The following NR2F1-AS1 variants were observed in gnomAD, a reference collection of about 807,000 sequenced individuals.
NR2F1-AS1 encodes the protein NR2F1 antisense RNA 1.
At chr5:93,581,110 A>G (rs1289283573), upstream of NR2F1-AS1, 3 of 152,278 alleles carry the variant, frequency 2.0e-5, no homozygotes, top group Admixed American at 2.0e-4. Flanking sequence ...TGAGACTTAA[A>G]GTGAGAACGA....
At chr5:93,484,778 CAAAA>C (rs61083284) in intron 4 of NR2F1-AS1, among the ~76,000 whole-genome samples, 4 of 84,316 alleles carry the variant, frequency 4.7e-5, no homozygotes, top group African/African-American at 3.6e-5. Context: ...AAATGGAAAG[CAAAA>C]AAAAAAAAAA....
intron 4 of NR2F1-AS1, among the ~76,000 whole-genome samples, chr5:93,552,434 G>A (rs1391649957): frequency 6.6e-6 from 1 of 152,152 alleles, no homozygotes; most frequent in Non-Finnish European, 1.5e-5. Flanking sequence ...CATGTAAGAA[G>A]TACATGTTAC....
At chr5:93,544,992 A>G (rs1490826624) in intron 4 of NR2F1-AS1, 1 of 151,954 alleles carries the variant, frequency 6.6e-6, no homozygotes, top group African/African-American at 2.4e-5. Context: ...ATCAGAAATT[A>G]TAAGAATGAC....
intron 4 of NR2F1-AS1, chr5:93,544,936 A>T (rs1472079497): frequency 6.6e-6 from 1 of 151,966 alleles, no homozygotes; most frequent in African/African-American, 2.4e-5. Context: ...AAAAAAAAAA[A>T]AAAGAGTTAT....
chr5:93,544,112 AAAAAT>A (rs1277646360), intron 4 of NR2F1-AS1: 4 of 152,240 alleles, frequency 2.6e-5, no homozygotes, highest in African/African-American at 9.6e-5. Flanking sequence ...CTCTAGCTCA[AAAAAT>A]AAAATAAAAT....
rs369345714 is a variant in NR2F1-AS1 at position 93,521,176 on chromosome 5, T to C, written n.638+32585A>G. 4.6e-5 allele frequency among the ~76,000 whole-genome samples: 7 copies of C among 152,246 alleles called. No homozygotes were observed. The East Asian group carries it at 5.8e-4, about 13-fold the overall frequency. Reference sequence around the variant, plus strand: ...TAACTGGCTAGCCATATGCAGAAGATTGAAGCTGGACCCCTTCCTTACACC... The same window carrying C: ...TAACTGGCTAGCCATATGCAGAAGACTGAAGCTGGACCCCTTCCTTACACC... On this transcript the variant is annotated intron_variant and non_coding_transcript_variant, in intron 4 of 5. Coordinates refer to ENST00000660523, the Ensembl canonical transcript of NR2F1-AS1.
chr5:93,422,877 T>G (rs1442318820), intron 4 of NR2F1-AS1, among the ~76,000 whole-genome samples: 1 of 152,040 alleles, frequency 6.6e-6, no homozygotes, highest in African/African-American at 2.4e-5. Flanking sequence ...GGACAGCACC[T>G]GGGGAGTTTA....
chr5:93,540,175 T>C (rs575776794), intron 4 of NR2F1-AS1, among the ~76,000 whole-genome samples: 1 of 152,344 alleles, frequency 6.6e-6, no homozygotes, highest in East Asian at 1.9e-4. Context: ...TCACTGGTTT[T>C]ATAAATATGC....
At chr5:93,568,810 A>G (rs894640066) in intron 1 of NR2F1-AS1, among the ~76,000 whole-genome samples, 1 of 152,158 alleles carries the variant, frequency 6.6e-6, no homozygotes, top group Non-Finnish European at 1.5e-5. Flanking sequence ...AACTGTCAGC[A>G]ATTTAATCCA....
chr5:93,482,983 G>T (rs1422319350), intron 4 of NR2F1-AS1, among the ~76,000 whole-genome samples: 3 of 152,218 alleles, frequency 2.0e-5, no homozygotes, highest in African/African-American at 7.2e-5. Context: ...ATCTCGCTGG[G>T]ACAGAGCACC....
chr5:93,564,005 G>GA (rs1752554981), intron 1 of NR2F1-AS1, among the ~76,000 whole-genome samples: 1 of 149,582 alleles, frequency 6.7e-6, no homozygotes, highest in Non-Finnish European at 1.5e-5. Context: ...GGGAGGCTGA[G>GA]AAAAGAGAAA....
At chr5:93,488,059 A>G (rs1750763798) in intron 4 of NR2F1-AS1, among the ~76,000 whole-genome samples, 1 of 152,178 alleles carries the variant, frequency 6.6e-6, no homozygotes, top group African/African-American at 2.4e-5. Context: ...CTGAAACTGG[A>G]CCCCTTCCTT....
In NR2F1-AS1 at chr5:93,462,560, A is replaced by AGTTTGGG. The variant is rs1215751188; in HGVS notation, n.639-67019_639-67018insCCCAAAC. On this transcript the variant is annotated intron_variant and non_coding_transcript_variant, in intron 4 of 5. Transcript: ENST00000660523. ...TGTGAAGGCAACTTTGGAACTGGGT[A>AGTTTGGG]ACCGGCAGAAGTTGGGACAGTTTGG... is the stretch of plus-strand genomic sequence containing the variant. 4.7e-4 allele frequency among the ~76,000 whole-genome samples: 71 copies of AGTTTGGG among 152,360 alleles called. 2 individuals are homozygous for AGTTTGGG. The East Asian group carries it at 0.011, about 23-fold the overall frequency.
chr5:93,435,246 A>AT (rs1396026317), intron 4 of NR2F1-AS1, among the ~76,000 whole-genome samples: 2 of 151,964 alleles, frequency 1.3e-5, no homozygotes, highest in South Asian at 2.1e-4. Context: ...TGAACTCATG[A>AT]TTTTTTTATT....
chr5:93,544,806 G>C (rs1207268097), intron 4 of NR2F1-AS1: 1 of 151,380 alleles, frequency 6.6e-6, no homozygotes, highest in Non-Finnish European at 1.5e-5. Context: ...TGTAATCCCA[G>C]CTACTCAGGA....
chr5:93,453,500 T>A (rs1466035762), intron 4 of NR2F1-AS1, among the ~76,000 whole-genome samples: 1 of 151,728 alleles, frequency 6.6e-6, no homozygotes, highest in Non-Finnish European at 1.5e-5. Context: ...TATAATAACA[T>A]CATAACATAA....
At chr5:93,484,126 A>G (rs1244712448) in intron 4 of NR2F1-AS1, among the ~76,000 whole-genome samples, 1 of 152,196 alleles carries the variant, frequency 6.6e-6, no homozygotes, top group Non-Finnish European at 1.5e-5. Flanking sequence ...CCTCGAGAAG[A>G]GCAACCCCAA....
intron 4 of NR2F1-AS1, among the ~76,000 whole-genome samples, chr5:93,475,209 G>A (rs1026810738): frequency 1.3e-5 from 2 of 151,500 alleles, no homozygotes; most frequent in South Asian, 2.1e-4. Flanking sequence ...ACAAAGATCC[G>A]TACCTGTCAT....
At chr5:93,531,775 A>C (rs1335486582) in intron 4 of NR2F1-AS1, among the ~76,000 whole-genome samples, 2 of 152,196 alleles carry the variant, frequency 1.3e-5, no homozygotes, top group African/African-American at 4.8e-5. Flanking sequence ...GTAGCATACA[A>C]ACAGGAAAGA....
Sources: gnomAD v4.1 joint callset for allele counts (sites outside exome capture counted in the v4.1 genomes callset) on GRCh38, gnomAD v4.1.1 for gene constraint, MANE v1.5 for transcripts, NCBI Gene and HGNC (gene_info 2026-07-23, HGNC 2026-07-21) for gene names.